SLC14A2: variants seen among roughly 807,000 people sequenced by gnomAD.
The protein encoded by SLC14A2 is solute carrier family 14 member 2.
A neutral mutation model predicts 104.6 loss-of-function variants in SLC14A2; 91 were observed. The ratio of observed to expected loss-of-function variants is 0.87; its 90% confidence interval spans 0.73 to 1.04. The LOEUF is 1.04. Among genes scored for constraint, SLC14A2 ranks in the 50% least tolerant of loss-of-function variants. The pLI is 0.00. For missense variants in SLC14A2, 1,189 were observed against 1,156.0 expected (o/e 1.03, Z -0.41); for synonymous variants, 476 against 466.4 (o/e 1.02, Z -0.27).
chr18:45,348,107 C>A (rs2085467575), intron 1 of SLC14A2, among the ~76,000 whole-genome samples: 1 of 152,188 alleles, frequency 6.6e-6, no homozygotes, highest in South Asian at 2.1e-4. Context: ...CCATCCAGAA[C>A]ACAGGGACAA....
intron 2 of SLC14A2, among the ~76,000 whole-genome samples, chr18:45,564,062 C>T (rs1019461557): frequency 2.0e-5 from 3 of 152,186 alleles, no homozygotes; most frequent in Non-Finnish European, 4.4e-5. Flanking sequence ...CCATCAATGT[C>T]AGTATTTCCT....
intron 1 of SLC14A2, among the ~76,000 whole-genome samples, chr18:45,318,253 G>A (rs550916137): frequency 2.0e-4 from 30 of 152,248 alleles, no homozygotes; most frequent in African/African-American, 7.0e-4. Context: ...TAGACCTGGA[G>A]AGGACCAGCC....
At chr18:45,279,779 C>T (rs2084742585) in intron 1 of SLC14A2, among the ~76,000 whole-genome samples, 1 of 151,978 alleles carries the variant, frequency 6.6e-6, no homozygotes, top group Admixed American at 6.6e-5. Flanking sequence ...CCAAGGCTCA[C>T]ATACATAAAA....
rs2085508921 is a variant in SLC14A2 at position 45,352,082 on chromosome 18, G to A, written c.-124-131151G>A. Among the ~76,000 whole-genome samples the A allele has an allele frequency of 2.0e-5, 3 of 152,052 alleles. No individual in the cohort carries two copies. The South Asian group carries it at 6.2e-4, about 32-fold the overall frequency. ...GACAGGGCTGTGGTGGGGGCTTGCTGCACTGGACAGGGCATGGGACTGTGG... is the reference window on the plus strand; with the variant it reads ...GACAGGGCTGTGGTGGGGGCTTGCTACACTGGACAGGGCATGGGACTGTGG... On this transcript the variant is annotated intron_variant, in intron 1 of 20. Coordinates refer to the SLC14A2 transcript ENST00000586448.
Position 45,391,672 on chromosome 18 carries a change from G to A in SLC14A2, c.-124-91561G>A, listed in dbSNP as rs971226287. Reference sequence around the variant, plus strand: ...GGTTTTGATTTGCATCTCTCTGATGGCCAGTGATGATGAGCATTTTTTCAT... The same window carrying A: ...GGTTTTGATTTGCATCTCTCTGATGACCAGTGATGATGAGCATTTTTTCAT... On this transcript the variant is annotated intron_variant, in intron 1 of 20. Transcript: ENST00000586448. Among the ~76,000 whole-genome samples the A allele has an allele frequency of 2.5e-3, 387 of 152,254 alleles. 5 individuals carry two copies. Among genetic ancestry groups the A allele is most frequent in the African/African-American group, 8.8e-3 (367 of 41,544 alleles).
intron 1 of SLC14A2, among the ~76,000 whole-genome samples, chr18:45,323,677 T>C (rs1327457809): frequency 6.6e-6 from 1 of 152,220 alleles, no homozygotes; most frequent in Non-Finnish European, 1.5e-5. Context: ...CAATGTGTTC[T>C]GGGGAGACCA....
At chr18:45,328,861 T>G (rs2085262241) in intron 1 of SLC14A2, among the ~76,000 whole-genome samples, 1 of 152,238 alleles carries the variant, frequency 6.6e-6, no homozygotes, top group Admixed American at 6.5e-5. Flanking sequence ...AAAAAAAGTA[T>G]GTGTGCAAAA....
intron 1 of SLC14A2, among the ~76,000 whole-genome samples, chr18:45,384,217 T>C (rs3095772): frequency 0.57 from 85,941 of 151,822 alleles, 26,959 homozygotes; most frequent in East Asian, 0.86. Flanking sequence ...AAAGGAGGAG[T>C]GAGAACAAGT....
intron 10 of SLC14A2, chr18:45,644,415 G>A: frequency 2.5e-6 from 1 of 397,712 alleles, no homozygotes; most frequent in Non-Finnish European, 4.5e-6. Flanking sequence ...TAGCAATAAG[G>A]TGTGTGTCTT....
chr18:45,332,856 T>A (rs1384126030), intron 1 of SLC14A2, among the ~76,000 whole-genome samples: 4 of 152,242 alleles, frequency 2.6e-5, no homozygotes, highest in Non-Finnish European at 5.9e-5. Flanking sequence ...GGCTTGGTCC[T>A]GGTGACATTT....
At chr18:45,619,268 C>T (rs973442995) in intron 1 of SLC14A2, among the ~76,000 whole-genome samples, 2 of 152,220 alleles carry the variant, frequency 1.3e-5, no homozygotes, top group Non-Finnish European at 2.9e-5. Flanking sequence ...GCAGGGCAGC[C>T]GCTCTGTGCT....
intron 1 of SLC14A2, among the ~76,000 whole-genome samples, chr18:45,391,937 C>T (rs189807353): frequency 6.6e-6 from 1 of 152,304 alleles, no homozygotes; most frequent in East Asian, 1.9e-4. Flanking sequence ...TTAATTAGAT[C>T]CCACTTGTCA....
intron 2 of SLC14A2, among the ~76,000 whole-genome samples, chr18:45,500,593 A>AAAAAG (rs1568244416): frequency 7.6e-5 from 11 of 145,372 alleles, no homozygotes; most frequent in Non-Finnish European, 1.1e-4. Context: ...AAAAAAAAAA[A>AAAAAG]AAAGAAATCC....
intron 1 of SLC14A2, among the ~76,000 whole-genome samples, chr18:45,387,510 C>T (rs1473110771): frequency 6.6e-6 from 1 of 152,212 alleles, no homozygotes; most frequent in Non-Finnish European, 1.5e-5. Context: ...GCAGTAAATG[C>T]ACACTATAAA....
At chr18:45,627,349 T>C (rs370409770) in intron 4 of SLC14A2, among the ~76,000 whole-genome samples, 2 of 152,334 alleles carry the variant, frequency 1.3e-5, no homozygotes, top group East Asian at 1.9e-4. Flanking sequence ...CATTTGACTG[T>C]GGAGACTTCT....
intron 1 of SLC14A2, among the ~76,000 whole-genome samples, chr18:45,256,790 G>A (rs12455110): frequency 0.079 from 12,033 of 152,192 alleles, 543 homozygotes; most frequent in African/African-American, 0.098. Context: ...GACTGTGTTG[G>A]GAAAGAAAGG....
intron 1 of SLC14A2, among the ~76,000 whole-genome samples, chr18:45,231,044 C>T (rs983999852): frequency 2.6e-5 from 4 of 152,146 alleles, no homozygotes; most frequent in African/African-American, 9.7e-5. Context: ...AGCCTACCAG[C>T]CTCCTGGAAA....
At chr18:45,174,893 G>A in the SLC14A2 span, among the ~76,000 whole-genome samples, 1 of 152,028 alleles carries the variant, frequency 6.6e-6, no homozygotes, top group African/African-American at 2.4e-5. Flanking sequence ...ACATAATAAG[G>A]GAAATGGAAA....
At chr18:45,526,257 T>TA (rs912262526) in intron 2 of SLC14A2, among the ~76,000 whole-genome samples, 1 of 152,152 alleles carries the variant, frequency 6.6e-6, no homozygotes, top group Admixed American at 6.5e-5. Flanking sequence ...CTGAAGGTAA[T>TA]AAAAAATCCT....
Sources: gnomAD v4.1 joint callset for allele counts (sites outside exome capture counted in the v4.1 genomes callset) on GRCh38, gnomAD v4.1.1 for gene constraint, MANE v1.5 for transcripts, NCBI Gene and HGNC (gene_info 2026-07-23, HGNC 2026-07-21) for gene names.